The following MYO18A variants were observed in gnomAD, a reference collection of about 807,000 sequenced individuals.
MYO18A encodes the protein unconventional myosin-XVIIIa.
Under a neutral mutation model 235.8 loss-of-function variants are expected in MYO18A, and 78 were observed. That is an observed-to-expected ratio of 0.33 (90% CI 0.28 to 0.40). The LOEUF (loss-of-function observed/expected upper bound fraction) is 0.40. Ranked by LOEUF, MYO18A falls within the 10% of genes least tolerant of loss-of-function variation. MYO18A has a pLI of 1.00. For synonymous variants in MYO18A, 977 were observed against 1,077.8 expected (o/e 0.91, Z 1.83); for missense variants, 2,215 against 2,699.3 (o/e 0.82, Z 3.98).
chr17:29,112,226 A>G (rs1311209971), intron 15 of MYO18A, among the ~76,000 whole-genome samples: 1 of 151,916 alleles, frequency 6.6e-6, no homozygotes, highest in African/African-American at 2.4e-5. Flanking sequence ...CATTGCTCTC[A>G]CTCCCTGGCA....
chr17:29,125,448 C>A lies in MYO18A; in HGVS notation c.1000-3195G>T, dbSNP rs1387397172. Among the ~76,000 whole-genome samples, 1 of 152,206 alleles carries A rather than the reference C, an allele frequency of 6.6e-6. No individual in the cohort carries two copies. Among genetic ancestry groups the A allele is most frequent in the African/African-American group, 2.4e-5 (1 of 41,442 alleles). On this transcript the variant is annotated intron_variant, in intron 2 of 41. Transcript: ENST00000527372. The surrounding 1 kb of genome is among the most constrained non-coding windows in gnomAD (Gnocchi z 5.1). The stretch of plus-strand genomic sequence containing the variant: ...CCGTGACCTCTCTGGTTACTTAAAG[C>A]CCTGAAAAGCCTTTCTGGGGAGGAA...
intron 41 of MYO18A, chr17:29,078,328 A>C (rs1260905520): frequency 6.6e-6 from 1 of 152,176 alleles, no homozygotes; most frequent in Non-Finnish European, 1.5e-5. Flanking sequence ...CTCTTGTCTT[A>C]CTATGGAGCC....
intron 17 of MYO18A, 28 bp from the exon 18 acceptor site, chr17:29,110,650 A>G (rs1187470368): frequency 6.3e-7 from 1 of 1,586,516 alleles, no homozygotes; most frequent in African/African-American, 1.3e-5. Flanking sequence ...ATAAGGGAGG[A>G]AAAGCAGTCA....
chr17:29,098,922 G>A lies in MYO18A; in HGVS notation c.3684C>T (p.Asn1228=). ...ACCAGGGCCAGTCCTTCACCCCTTT[G>A]TTCTTCTTGATGTTCTTCTGTACAC... ...IRCVQKNIKK[N]KGVKDWPWWK... is the part of the protein sequence containing the mutation. Residue 1228 remains asparagine (N), a synonymous_variant, in exon 23 of 42, where the codon AAC becomes AAT. Transcript: ENST00000527372. 6.2e-7 allele frequency: 1 copy of A among 1,613,790 alleles called. No individual in the cohort carries two copies. Among genetic ancestry groups the A allele is most frequent in the South Asian group, 1.1e-5 (1 of 91,066 alleles).
chr17:29,081,453 GC>G (rs1598266525), intron 41 of MYO18A, among the ~76,000 whole-genome samples: 1 of 152,192 alleles, frequency 6.6e-6, no homozygotes, highest in African/African-American at 2.4e-5. Flanking sequence ...CTGGTGAGGG[GC>G]CAGGCTTGGG....
intron 2 of MYO18A, among the ~76,000 whole-genome samples, chr17:29,155,772 C>A (rs1331775915): frequency 2.6e-5 from 4 of 152,206 alleles, no homozygotes; most frequent in Non-Finnish European, 4.4e-5. Context: ...CTCATGTTCA[C>A]ACCAGAGGTA....
Position 29,092,356 on chromosome 17 carries a change from T to C in MYO18A, c.5174A>G (p.Lys1725Arg), listed in dbSNP as rs2066417429. 6.2e-7 allele frequency: 1 copy of C among 1,610,556 alleles called. No homozygotes were observed. The highest frequency in any genetic ancestry group is 1.1e-5 in the South Asian group (1 of 91,014). Residue 1725 changes from lysine (K) to arginine (R), a missense_variant, in exon 34 of 42, where the codon AAA (lysine) becomes AGA (arginine). Physicochemically the swap from Lys to Arg is conservative, Grantham distance 26 (BLOSUM62 2). Coordinates refer to ENST00000527372, the MANE Select transcript of MYO18A (RefSeq NM_078471.4). ...DLHLQIDDIAKAKTALEEQLS... is the reference protein window; with the variant it reads ...DLHLQIDDIARAKTALEEQLS... ...TTGGCCCCTCACCGCTGTCTTGGCT[T>C]TGGCGATGTCATCAATCTGCAGGTG... is the stretch of plus-strand genomic sequence containing the variant.
chr17:29,114,191 G>A (rs2152833985), intron 14 of MYO18A, 94 bp from the exon 15 acceptor site: 1 of 898,092 alleles, frequency 1.1e-6, no homozygotes, highest in Admixed American at 2.0e-5. Flanking sequence ...AGATCAGCAA[G>A]GCCAACCTCC....
Position 29,114,951 on chromosome 17 carries a change from A to G in MYO18A, c.2467T>C (p.Phe823Leu). The G allele has an allele frequency of 6.2e-7, 1 of 1,614,038 alleles. No homozygotes were observed. The highest frequency in any genetic ancestry group is 1.1e-5 in the South Asian group (1 of 91,082). The change falls in exon 14 of 42, where the codon TTC (phenylalanine) becomes CTC (leucine). Residue 823 changes from phenylalanine (F) to leucine (L), a missense_variant. Physicochemically the swap from Phe to Leu is conservative, Grantham distance 22. Coordinates refer to ENST00000527372, the MANE Select transcript of MYO18A (RefSeq NM_078471.4). ...NYTQDRLQRL[F>L]HERTFVQELE... ...TCCTGCACGAAGGTGCGCTCGTGGA[A>G]GAGCCTCTGCAGCCGGTCTTGGGTG...
At chr17:29,163,043 A>T (rs59282358) in intron 2 of MYO18A, among the ~76,000 whole-genome samples, 2,991 of 152,288 alleles carry the variant, frequency 0.02, 83 homozygotes, top group African/African-American at 0.067. Context: ...GCTCCCTCAG[A>T]GCTCCCTGGG....
chr17:29,105,720 T>C (rs2152807595), intron 20 of MYO18A, among the ~76,000 whole-genome samples: 1 of 151,922 alleles, frequency 6.6e-6, no homozygotes, highest in South Asian at 2.1e-4. Context: ...AGATGGAGAA[T>C]GCAATAGCAG....
At chr17:29,093,918 A>T in intron 31 of MYO18A, 62 bp downstream of exon 31, 1 of 1,249,028 alleles carries the variant, frequency 8.0e-7, no homozygotes, top group Non-Finnish European at 1.1e-6. Context: ...AAAGCCCCTT[A>T]CTTTAAAGCG....
rs999884101 is a variant in MYO18A, at chr17:29,080,126, G to A, written c.6020+2190C>T. 1.5e-5 allele frequency: 15 copies of A among 985,832 alleles called. No homozygotes were observed. In the Admixed American group the frequency reaches 1.8e-4, roughly 12 times the overall value. The allele number at this position is 985,832 out of a possible 1,614,324, so 61.1% of individuals were successfully genotyped here. ...ACATCAGCAGCAGAGGCGGAGCGGC[G>A]GATGCTGGCAGCTCGCTCCGGGGGG... On this transcript the variant is annotated intron_variant, in intron 41 of 41. Transcript: ENST00000527372.
chr17:29,159,377 G>A (rs143824280), intron 2 of MYO18A, among the ~76,000 whole-genome samples: 51 of 152,202 alleles, frequency 3.4e-4, no homozygotes, highest in African/African-American at 1.2e-3. Flanking sequence ...GAGCCCTCAA[G>A]CCAGGATTCT....
intron 1 of MYO18A, among the ~76,000 whole-genome samples, chr17:29,176,989 C>A (rs2152994638): frequency 6.6e-6 from 1 of 152,324 alleles, no homozygotes. Flanking sequence ...AGAGCTCCTG[C>A]GGCCTCGCCA....
chr17:29,115,668 C>T lies in MYO18A; in HGVS notation c.2223G>A (p.Gly741=). Residue 741 remains glycine (G), a synonymous_variant, in exon 12 of 42, where the codon GGG becomes GGA. Transcript: ENST00000527372. Reference sequence around the variant, plus strand: ...CAGCCAAGGGACAAAGGGTACCTGTCCCATCTCCCAGGCCACTCTCCTCGG... The same window carrying T: ...CAGCCAAGGGACAAAGGGTACCTGTTCCATCTCCCAGGCCACTCTCCTCGG... The part of the protein sequence containing the change: ...QGPEESGLGD[G]TGPKLSALEC... 1 of 1,598,320 alleles carries T rather than the reference C, an allele frequency of 6.3e-7. No individual in the cohort carries two copies. Among genetic ancestry groups the T allele is most frequent in the Non-Finnish European group, 8.5e-7 (1 of 1,173,522 alleles).
rs1341973872 is a variant in MYO18A, at chr17:29,074,764, C to G, written c.*6G>C. 6.2e-7 allele frequency: 1 copy of G among 1,613,790 alleles called. No homozygotes were observed. Among genetic ancestry groups the G allele is most frequent in the Non-Finnish European group, 8.5e-7 (1 of 1,179,874 alleles). On this transcript the variant is annotated 3_prime_UTR_variant, in exon 42 of 42. Coordinates refer to ENST00000527372, the MANE Select transcript of MYO18A (RefSeq NM_078471.4). This position sits in a 1 kb window ranked among gnomAD's most constrained non-coding sequence, Gnocchi z 4.4. ...GGGTGAGAGGGCTGCCAACCACTCC[C>G]CTGGGCTATGCGTTAGTCTCCGTCA...
At chr17:29,091,787 T>C (rs977070926) in intron 34 of MYO18A, 3 of 412,160 alleles carry the variant, frequency 7.3e-6, no homozygotes, top group Admixed American at 5.7e-5. Flanking sequence ...GCCTGCCCAC[T>C]GGGGTGGGTC....
Position 29,166,839 on chromosome 17 carries a change from C to T in MYO18A, c.102G>A (p.Arg34=), listed in dbSNP as rs1164944043. 2.5e-6 allele frequency: 4 copies of T among 1,583,368 alleles called. No individual in the cohort carries two copies. The highest frequency in any genetic ancestry group is 2.3e-5 in the South Asian group (2 of 86,934). The change falls in exon 2 of 42, where the codon CGG becomes CGA. Residue 34 remains arginine (R), a synonymous_variant. Transcript: ENST00000527372. The part of the protein sequence containing the change: ...KKERMSAAEL[R]SLEEMSLRRG... ...GTCGCAGGCTCATCTCCTCCAGGCT[C>T]CGAAGCTCTGCCGCTGACATCCGCT...
Sources: allele counts gnomAD v4.1 joint callset (sites outside exome capture counted in the v4.1 genomes callset), GRCh38; gene constraint gnomAD v4.1.1; non-coding constraint Gnocchi (gnomAD v3.1); transcripts MANE v1.5; gene names NCBI Gene and HGNC (gene_info 2026-07-23, HGNC 2026-07-21).